Variants in RSPO2 observed in about 807,000 individuals in gnomAD.
RSPO2 encodes the protein R-spondin 2.
Under a neutral mutation model 30.9 loss-of-function variants are expected in RSPO2, and 14 were observed. The observed-to-expected ratio is 0.45, with a 90% CI of 0.30 to 0.71. The LOEUF is 0.71. Ranked by LOEUF, RSPO2 falls within the 30% of genes least tolerant of loss-of-function variation. The pLI, the probability that RSPO2 is intolerant of heterozygous loss-of-function variation, is 0.08. For missense variants in RSPO2, 264 were observed against 301.9 expected, an observed-to-expected ratio of 0.87 and a Z score of 0.93; for synonymous variants, 107 against 96.4, an observed-to-expected ratio of 1.11 and a Z score of -0.64.
chr8:107,912,628 G>C (rs1197922229), intron 5 of RSPO2, among the ~76,000 whole-genome samples: 1 of 152,186 alleles, frequency 6.6e-6, no homozygotes, highest in Non-Finnish European at 1.5e-5. Context: ...AGGCTGTCTA[G>C]TTCATTTGCA....
At chr8:108,000,148 T>A (rs982655308) in intron 2 of RSPO2, among the ~76,000 whole-genome samples, 10 of 152,178 alleles carry the variant, frequency 6.6e-5, no homozygotes, top group African/African-American at 2.4e-4. Context: ...GAGTCTTAGG[T>A]GGTTCTGCTT....
rs781560801 is a variant in RSPO2, at chr8:107,958,234, TCC to T, written c.460_461del (p.Gly154AsnfsTer3). 6.2e-7 allele frequency: 1 copy of T among 1,613,436 alleles called. No homozygotes were observed. The highest frequency in any genetic ancestry group is 8.5e-7 in the Non-Finnish European group (1 of 1,179,780). On this transcript the variant is annotated frameshift_variant, in exon 5 of 6. Coordinates refer to ENST00000276659, the MANE Select transcript of RSPO2 (RefSeq NM_178565.5). LOFTEE classifies it high-confidence loss of function. ...GCEVGHWSEW[G>X]TCSRNNRTCG... The stretch of plus-strand genomic sequence containing the variant: ...ATGTGCGATTATTTCTGCTACAAGT[TCC>T]CCATTCGCTCCAATGACCAACTTCA...
chr8:108,050,319 T>C (rs755244096), intron 2 of RSPO2, among the ~76,000 whole-genome samples: 2 of 152,160 alleles, frequency 1.3e-5, no homozygotes, highest in Non-Finnish European at 2.9e-5. Context: ...ATCGGTTAAT[T>C]ATAACAATGC....
rs75680416 is a variant in RSPO2, at chr8:107,929,380, G to A, written c.617-28190C>T. ...AAAAGAAATTACATCCACAATTCTC[G>A]CAGTTGGGGACCAATGGCAAGTTAC... On this transcript the variant is annotated intron_variant, in intron 5 of 5. Coordinates refer to ENST00000276659, the MANE Select transcript of RSPO2 (RefSeq NM_178565.5). 4.7e-3 allele frequency among the ~76,000 whole-genome samples: 709 copies of A among 152,250 alleles called. 5 individuals are homozygous for A. Among genetic ancestry groups the A allele is most frequent in the African/African-American group, 0.013 (528 of 41,550 alleles).
chr8:107,918,168 A>G (rs765311646), intron 5 of RSPO2, among the ~76,000 whole-genome samples: 3 of 152,130 alleles, frequency 2.0e-5, no homozygotes, highest in African/African-American at 4.8e-5. Flanking sequence ...TTTGTTTTCC[A>G]GGGCCAAGAA....
At chr8:107,931,429 G>A (rs1314188486) in intron 5 of RSPO2, among the ~76,000 whole-genome samples, 1 of 152,050 alleles carries the variant, frequency 6.6e-6, no homozygotes, top group Non-Finnish European at 1.5e-5. Flanking sequence ...CAAAACACAT[G>A]ATTGTTATCA....
intron 5 of RSPO2, among the ~76,000 whole-genome samples, chr8:107,909,647 CCTGA>C (rs1022868822): frequency 2.0e-5 from 3 of 152,040 alleles, no homozygotes; most frequent in African/African-American, 7.2e-5. Flanking sequence ...ACAATATTAC[CCTGA>C]CTGAGTTCCA....
chr8:107,933,325 C>T (rs1487282548), intron 5 of RSPO2, among the ~76,000 whole-genome samples: 1 of 152,130 alleles, frequency 6.6e-6, no homozygotes, highest in Non-Finnish European at 1.5e-5. Context: ...AAATAGTCAA[C>T]TTTTGAAAAG....
At chr8:108,073,234 GGAGCA>G (rs1812912544) in intron 2 of RSPO2, 1 of 152,182 alleles carries the variant, frequency 6.6e-6, no homozygotes, top group Admixed American at 6.5e-5. Context: ...GTCCATGGGG[GGAGCA>G]GAGCAGGTTT....
chr8:107,911,109 T>TC (rs1296941205), intron 5 of RSPO2, among the ~76,000 whole-genome samples: 1 of 152,068 alleles, frequency 6.6e-6, no homozygotes, highest in African/African-American at 2.4e-5. Context: ...CTTCCTAGGC[T>TC]CCCCCACGGC....
intron 2 of RSPO2, among the ~76,000 whole-genome samples, chr8:108,020,156 G>C (rs568198931): frequency 1.6e-4 from 24 of 151,400 alleles, no homozygotes; most frequent in Non-Finnish European, 2.5e-4. Context: ...TACCTCTCAG[G>C]GAACAAAAAC....
intron 2 of RSPO2, among the ~76,000 whole-genome samples, chr8:108,014,763 G>A (rs532959737): frequency 9.3e-5 from 14 of 151,170 alleles, no homozygotes; most frequent in Admixed American, 2.0e-4. Context: ...GTTGATGAGC[G>A]CAGCAAACCA....
chr8:108,004,195 G>A (rs1413274657), intron 2 of RSPO2, among the ~76,000 whole-genome samples: 1 of 152,164 alleles, frequency 6.6e-6, no homozygotes, highest in Non-Finnish European at 1.5e-5. Context: ...TGAGTTACAA[G>A]TTTCCTCTGG....
chr8:107,984,654 A>G lies in RSPO2; in HGVS notation c.283+4402T>C, dbSNP rs187176632. Among the ~76,000 whole-genome samples the G allele has an allele frequency of 3.5e-4, 54 of 152,388 alleles. 1 individual carries two copies. The highest frequency in any genetic ancestry group is 1.0e-3 in the Admixed American group (16 of 15,310). ...TCTAACTTTGTTTATTGTATAATGC[A>G]TCATTTGAAAATACCAAGGAGGAAA... On this transcript the variant is annotated intron_variant, in intron 3 of 5. Transcript: ENST00000276659.
intron 2 of RSPO2, among the ~76,000 whole-genome samples, chr8:107,998,258 G>T (rs1209830248): frequency 6.6e-6 from 1 of 151,664 alleles, no homozygotes; most frequent in Non-Finnish European, 1.5e-5. Flanking sequence ...CCCAACTCTG[G>T]CACCAATAAC....
chr8:107,906,400 T>A (rs1164327710), intron 5 of RSPO2, among the ~76,000 whole-genome samples: 2 of 150,866 alleles, frequency 1.3e-5, no homozygotes, highest in African/African-American at 4.8e-5. Flanking sequence ...TATATTTTTA[T>A]ATTTTATATT....
chr8:108,060,126 C>T (rs1812404039), intron 2 of RSPO2, among the ~76,000 whole-genome samples: 1 of 151,814 alleles, frequency 6.6e-6, no homozygotes, highest in Non-Finnish European at 1.5e-5. Flanking sequence ...TGGGTGATTT[C>T]TGCATTTCCA....
intron 5 of RSPO2, among the ~76,000 whole-genome samples, chr8:107,938,397 A>C (rs1812785431): frequency 6.6e-6 from 1 of 152,146 alleles, no homozygotes; most frequent in Non-Finnish European, 1.5e-5. Flanking sequence ...TATTGAAATA[A>C]AAGCTTTTCT....
intron 5 of RSPO2, among the ~76,000 whole-genome samples, chr8:107,902,968 T>C (rs963367966): frequency 4.2e-4 from 64 of 152,080 alleles, no homozygotes; most frequent in Non-Finnish European, 1.6e-4. Context: ...GAAACCTTAG[T>C]TCAAGCCATC....
Sources: gnomAD v4.1 joint callset for allele counts (sites outside exome capture counted in the v4.1 genomes callset) on GRCh38, gnomAD v4.1.1 for gene constraint, MANE v1.5 for transcripts, NCBI Gene and HGNC (gene_info 2026-07-23, HGNC 2026-07-21) for gene names.